Variants in PPME1 observed in about 807,000 individuals in gnomAD.
PPME1 encodes the protein protein phosphatase methylesterase 1.
A neutral mutation model predicts 56.9 loss-of-function variants in PPME1; 17 were observed. The observed-to-expected ratio is 0.30, with a 90% CI of 0.20 to 0.45. The LOEUF (loss-of-function observed/expected upper bound fraction) is 0.45. Ranked by LOEUF, PPME1 falls within the 20% of genes least tolerant of loss-of-function variation. The probability of loss-of-function intolerance (pLI) is 1.00; values close to 1 mark genes in which losing one functional copy is unlikely to be tolerated. For missense variants in PPME1, 357 were observed against 483.2 expected, an observed-to-expected ratio of 0.74 and a Z score of 2.45; for synonymous variants, 122 against 156.2, an observed-to-expected ratio of 0.78 and a Z score of 1.63.
In PPME1 at chr11:74,225,234, C is replaced by T; in HGVS notation, c.376C>T (p.Leu126=). 4 of 1,570,436 alleles carry T rather than the reference C, an allele frequency of 2.5e-6. No homozygotes were observed. The highest frequency in any genetic ancestry group is 3.5e-6 in the Non-Finnish European group (4 of 1,155,566). Reference sequence around the variant, plus strand: ...AACAAAGGTCAAGAATCCTGAAGATCTGTCTGCAGAAACAATGGCAAAGTA... The same window carrying T: ...AACAAAGGTCAAGAATCCTGAAGATTTGTCTGCAGAAACAATGGCAAAGTA... ...GETKVKNPED[L]SAETMAKDVG... is the part of the protein sequence containing the mutation. Residue 126 remains leucine (L), a synonymous_variant, in exon 5 of 14, where the codon CTG becomes TTG. Transcript: ENST00000328257.
chr11:74,189,877 T>C (rs1857789276), intron 1 of PPME1, among the ~76,000 whole-genome samples: 1 of 152,254 alleles, frequency 6.6e-6, no homozygotes, highest in Non-Finnish European at 1.5e-5. Context: ...AGTTTTACCA[T>C]AATGTATTAC....
chr11:74,210,537 C>T (rs1285446581), intron 3 of PPME1, among the ~76,000 whole-genome samples: 1 of 152,122 alleles, frequency 6.6e-6, no homozygotes, highest in Non-Finnish European at 1.5e-5. Flanking sequence ...GGAGTGGATC[C>T]TTCATGAATG....
At chr11:74,215,303 G>A (rs1038317369) in intron 3 of PPME1, among the ~76,000 whole-genome samples, 1 of 152,118 alleles carries the variant, frequency 6.6e-6, no homozygotes, top group African/African-American at 2.4e-5. Flanking sequence ...TCACACCACT[G>A]CACTCAAGCC....
At position 74,241,649 on chromosome 11, in the gene PPME1, CTTG is replaced by C. The variant is rs573494340; in HGVS notation, c.834+2396_834+2398del. Among the ~76,000 whole-genome samples, 198 of 152,260 alleles carry C rather than the reference CTTG, an allele frequency of 1.3e-3. 2 individuals carry two copies. Among genetic ancestry groups the C allele is most frequent in the African/African-American group, 4.6e-3 (191 of 41,552 alleles). On this transcript the variant is annotated intron_variant, in intron 9 of 13. Transcript: ENST00000328257. ...CAGTTTCTCAGTATCCTTGTCAGCA[CTTG>C]TTATTTTCTCTCTTTTTGATTATAG... is the stretch of plus-strand genomic sequence containing the variant.
chr11:74,211,879 TATTA>T (rs1381162403), intron 3 of PPME1, among the ~76,000 whole-genome samples: 3 of 152,188 alleles, frequency 2.0e-5, no homozygotes, highest in Non-Finnish European at 4.4e-5. Context: ...ACTACCTTAC[TATTA>T]ATTAGCAAAA....
intron 9 of PPME1, among the ~76,000 whole-genome samples, chr11:74,241,174 C>A (rs1679045903): frequency 6.6e-6 from 1 of 152,174 alleles, no homozygotes; most frequent in South Asian, 2.1e-4. Context: ...GCTTAGGCAA[C>A]CACTAATCTA....
At chr11:74,212,395 G>C (rs766354147) in intron 3 of PPME1, among the ~76,000 whole-genome samples, 12 of 152,138 alleles carry the variant, frequency 7.9e-5, no homozygotes, top group African/African-American at 2.9e-4. Flanking sequence ...AGGGTCCTGG[G>C]GTCCTAAATA....
At chr11:74,197,240 T>C (rs1385432774) in intron 1 of PPME1, among the ~76,000 whole-genome samples, 1 of 152,196 alleles carries the variant, frequency 6.6e-6, no homozygotes, top group East Asian at 1.9e-4. Flanking sequence ...AAATATTTAT[T>C]GAGAAACCCA....
intron 9 of PPME1, among the ~76,000 whole-genome samples, chr11:74,242,318 T>G (rs1044687583): frequency 2.6e-5 from 4 of 152,228 alleles, no homozygotes; most frequent in Non-Finnish European, 5.9e-5. Context: ...AACTCTGAAT[T>G]CTATTCTGTT....
intron 1 of PPME1, among the ~76,000 whole-genome samples, chr11:74,200,494 G>GAA: frequency 6.6e-6 from 1 of 152,018 alleles, no homozygotes; most frequent in Admixed American, 6.6e-5. Context: ...CGATTCTCCT[G>GAA]CTTCAGCCTT....
At chr11:74,171,574 A>G in intron 1 of PPME1, 52 bp downstream of exon 1, 7 of 1,545,088 alleles carry the variant, frequency 4.5e-6, no homozygotes, top group Non-Finnish European at 6.1e-6. Flanking sequence ...GCCGTTGGAG[A>G]ATGGTATCTC....
At chr11:74,240,091 A>G (rs1427188266) in intron 9 of PPME1, among the ~76,000 whole-genome samples, 3 of 150,718 alleles carry the variant, frequency 2.0e-5, no homozygotes, top group Non-Finnish European at 4.4e-5. Context: ...GTGCCACCAC[A>G]CCCAACTTCC....
At chr11:74,174,158 A>G (rs1366019084) in intron 1 of PPME1, among the ~76,000 whole-genome samples, 7 of 152,188 alleles carry the variant, frequency 4.6e-5, no homozygotes, top group African/African-American at 1.4e-4. Context: ...GAGGAACCCA[A>G]TATTCAGAGA....
At chr11:74,228,918 T>G (rs548209100) in intron 5 of PPME1, among the ~76,000 whole-genome samples, 132 of 152,334 alleles carry the variant, frequency 8.7e-4, no homozygotes, top group Non-Finnish European at 1.5e-5. Flanking sequence ...GCTTGGACTT[T>G]TCGTCTTAAC....
intron 1 of PPME1, among the ~76,000 whole-genome samples, chr11:74,173,116 G>A (rs1857322308): frequency 6.6e-6 from 1 of 152,172 alleles, no homozygotes; most frequent in Non-Finnish European, 1.5e-5. Flanking sequence ...AATAGAGGTA[G>A]AAGGCTACAT....
At chr11:74,251,301 T>C (rs747521755) in intron 12 of PPME1, 7 of 1,364,008 alleles carry the variant, frequency 5.1e-6, no homozygotes, top group Middle Eastern at 5.5e-4. Flanking sequence ...AAGCCAGAGA[T>C]GGAAGAGGGA....
intron 3 of PPME1, 37 bp downstream of exon 3, chr11:74,204,482 A>G: frequency 2.7e-6 from 4 of 1,506,040 alleles, no homozygotes; most frequent in Non-Finnish European, 3.7e-6. Context: ...TAATGTTAGC[A>G]CTTTTGAACT....
chr11:74,206,957 T>A (rs1858344148), intron 3 of PPME1, among the ~76,000 whole-genome samples: 1 of 152,192 alleles, frequency 6.6e-6, no homozygotes, highest in African/African-American at 2.4e-5. Context: ...CCCATTTAAT[T>A]TTTCTGTAAT....
At chr11:74,235,019 C>T (rs559209004) in intron 7 of PPME1, among the ~76,000 whole-genome samples, 74 of 152,262 alleles carry the variant, frequency 4.9e-4, no homozygotes, top group African/African-American at 1.7e-3. Flanking sequence ...TTTGTGGATT[C>T]ATTTGGTAGT....
Sources: allele counts gnomAD v4.1 joint callset (sites outside exome capture counted in the v4.1 genomes callset), GRCh38; gene constraint gnomAD v4.1.1; transcripts MANE v1.5; gene names NCBI Gene and HGNC (gene_info 2026-07-23, HGNC 2026-07-21).